LINGO2: variants seen among roughly 807,000 people sequenced by gnomAD.
LINGO2 encodes the protein leucine rich repeat and Ig domain containing 2, also known as leucine-rich repeat and immunoglobulin-like domain-containing nogo receptor-interacting protein 2.
A neutral mutation model predicts 30.6 loss-of-function variants in LINGO2; 14 were observed. The observed-to-expected ratio is 0.46, with a 90% CI of 0.30 to 0.72. The LOEUF (loss-of-function observed/expected upper bound fraction) is 0.72. Ranked by LOEUF, LINGO2 falls within the 30% of genes least tolerant of loss-of-function variation. LINGO2 has a pLI of 0.07. For synonymous variants in LINGO2, 317 were observed against 288.5 expected (o/e 1.10, Z -1.00); for missense variants, 729 against 751.7 (o/e 0.97, Z 0.35).
chr9:28,532,198 A>G (rs965991052), intron 1 of LINGO2, among the ~76,000 whole-genome samples: 3 of 152,102 alleles, frequency 2.0e-5, no homozygotes, highest in South Asian at 2.1e-4. Flanking sequence ...AGTGGGGATA[A>G]TATCTTTCAG....
chr9:28,304,758 A>T (rs1464452988), intron 3 of LINGO2, among the ~76,000 whole-genome samples: 2 of 152,092 alleles, frequency 1.3e-5, no homozygotes, highest in Admixed American at 6.6e-5. Context: ...CAAACAATTC[A>T]AATTAATAGA....
intron 4 of LINGO2, among the ~76,000 whole-genome samples, chr9:28,193,634 T>C (rs1470804489): frequency 1.3e-5 from 2 of 152,192 alleles, no homozygotes; most frequent in Non-Finnish European, 2.9e-5. Flanking sequence ...ATACAAACTT[T>C]TGTTCTACTT....
chr9:28,458,821 T>C (rs1824955382), intron 2 of LINGO2, among the ~76,000 whole-genome samples: 1 of 152,158 alleles, frequency 6.6e-6, no homozygotes. Context: ...TTAAACTCAT[T>C]GCTCACCTTG....
the LINGO2 span, among the ~76,000 whole-genome samples, chr9:29,155,778 G>A: frequency 6.6e-6 from 1 of 151,938 alleles, no homozygotes; most frequent in Non-Finnish European, 1.5e-5. Context: ...ATAATGCTAT[G>A]TTTGTGTTTC....
chr9:28,043,755 A>T (rs1396009287), intron 4 of LINGO2, among the ~76,000 whole-genome samples: 2 of 152,172 alleles, frequency 1.3e-5, no homozygotes, highest in African/African-American at 4.8e-5. Context: ...CATTACATGG[A>T]AACAATCCTG....
intron 4 of LINGO2, among the ~76,000 whole-genome samples, chr9:28,038,885 C>A (rs1348273041): frequency 6.6e-6 from 1 of 152,190 alleles, no homozygotes; most frequent in Non-Finnish European, 1.5e-5. Context: ...TTTCTGTATT[C>A]ACTTCCCTCA....
chr9:28,199,302 A>G (rs1208622493), intron 4 of LINGO2, among the ~76,000 whole-genome samples: 1 of 150,974 alleles, frequency 6.6e-6, no homozygotes, highest in Non-Finnish European at 1.5e-5. Flanking sequence ...GTACTCATAA[A>G]GTTGAAAGAC....
chr9:28,587,933 C>T (rs1485103269), intron 1 of LINGO2, among the ~76,000 whole-genome samples: 1 of 151,962 alleles, frequency 6.6e-6, no homozygotes, highest in African/African-American at 2.4e-5. Context: ...GTCCTGTGGA[C>T]ACCGAGTTGG....
At position 28,199,363 on chromosome 9, in the gene LINGO2, G is replaced by A. The variant is rs1451916854; in HGVS notation, c.-87+95845C>T. On this transcript the variant is annotated intron_variant, in intron 4 of 5. Coordinates refer to ENST00000379992, the Ensembl canonical transcript of LINGO2. The stretch of plus-strand genomic sequence containing the variant: ...CTTCTTCTTTTTTTTTTTTTGAGAC[G>A]GAGTCTCGCTCTGTCGCCAGGCTGG... 1.0e-4 allele frequency among the ~76,000 whole-genome samples: 12 copies of A among 120,184 alleles called. No individual in the cohort carries two copies. In the East Asian group the frequency reaches 2.3e-3, roughly 23 times the overall value. The allele number at this position is 120,184 out of a possible 152,430, so 78.8% of individuals were successfully genotyped here.
At chr9:29,076,987 C>T in the LINGO2 span, among the ~76,000 whole-genome samples, 1 of 152,056 alleles carries the variant, frequency 6.6e-6, no homozygotes, top group Admixed American at 6.6e-5. Context: ...ATACCATGCT[C>T]CTCCTACTAT....
chr9:28,282,914 A>G (rs1823379475), intron 4 of LINGO2, among the ~76,000 whole-genome samples: 1 of 152,224 alleles, frequency 6.6e-6, no homozygotes, highest in Non-Finnish European at 1.5e-5. Flanking sequence ...AGTAACTGAC[A>G]GAATGTACTA....
intron 4 of LINGO2, among the ~76,000 whole-genome samples, chr9:28,119,696 G>A (rs955322890): frequency 2.6e-5 from 4 of 152,174 alleles, no homozygotes; most frequent in Non-Finnish European, 5.9e-5. Context: ...GAGGCCTACT[G>A]TATGAAGTCT....
intron 2 of LINGO2, among the ~76,000 whole-genome samples, chr9:28,447,382 A>G (rs1271600532): frequency 2.0e-5 from 3 of 152,208 alleles, no homozygotes; most frequent in Non-Finnish European, 1.5e-5. Flanking sequence ...CACAACTAGA[A>G]GGTACCATGT....
chr9:29,173,988 T>G, the LINGO2 span, among the ~76,000 whole-genome samples: 1 of 152,162 alleles, frequency 6.6e-6, no homozygotes, highest in East Asian at 1.9e-4. Context: ...TGTCAAGGAA[T>G]TAGAATTGAA....
chr9:28,785,688 A>T, the LINGO2 span, among the ~76,000 whole-genome samples: 1 of 36,018 alleles, frequency 2.8e-5, no homozygotes, highest in South Asian at 1.5e-3. Flanking sequence ...ACACACACGC[A>T]CACACACACA....
At chr9:29,166,797 G>A in the LINGO2 span, among the ~76,000 whole-genome samples, 1 of 151,848 alleles carries the variant, frequency 6.6e-6, no homozygotes, top group Non-Finnish European at 1.5e-5. Flanking sequence ...ATTTATTATA[G>A]GTACCTTAAA....
chr9:28,344,327 CA>C (rs1369506618), intron 3 of LINGO2, among the ~76,000 whole-genome samples: 1 of 151,832 alleles, frequency 6.6e-6, no homozygotes, highest in Non-Finnish European at 1.5e-5. Flanking sequence ...ATATTTCCAG[CA>C]AAACAGGGAT....
At chr9:28,032,726 A>G (rs540136785) in intron 4 of LINGO2, among the ~76,000 whole-genome samples, 11 of 152,356 alleles carry the variant, frequency 7.2e-5, no homozygotes, top group Non-Finnish European at 1.2e-4. Context: ...GAGTGAGCAT[A>G]CAGTGACATA....
chr9:27,988,856 C>T (rs970498169), intron 5 of LINGO2, among the ~76,000 whole-genome samples: 9 of 151,920 alleles, frequency 5.9e-5, no homozygotes, highest in Admixed American at 2.0e-4. Flanking sequence ...CTTTCTCATA[C>T]CACCCTCATC....
Sources: gnomAD v4.1 joint callset for allele counts (sites outside exome capture counted in the v4.1 genomes callset) on GRCh38, gnomAD v4.1.1 for gene constraint, MANE v1.5 for transcripts, NCBI Gene and HGNC (gene_info 2026-07-23, HGNC 2026-07-21) for gene names.